SIK2: variants seen among roughly 807,000 people sequenced by gnomAD.
SIK2 encodes the protein serine/threonine-protein kinase SIK2.
In SIK2, 29 loss-of-function variants were observed where a neutral mutation model predicts 103.2. The ratio of observed to expected loss-of-function variants is 0.28; its 90% CI spans 0.21 to 0.38. The LOEUF is 0.38. Among genes scored for constraint, SIK2 ranks in the 10% least tolerant of loss-of-function variants. The pLI is 1.00. For synonymous variants in SIK2, 412 were observed against 446.1 expected, an observed-to-expected ratio of 0.92 and a Z score of 0.96; for missense variants, 879 against 1,171.0, an observed-to-expected ratio of 0.75 and a Z score of 3.64.
intron 4 of SIK2, among the ~76,000 whole-genome samples, chr11:111,689,611 C>A (rs1942899063): frequency 6.6e-6 from 1 of 152,106 alleles, no homozygotes; most frequent in African/African-American, 2.4e-5. Flanking sequence ...AGGGAGACAT[C>A]CAGATGACAG....
At position 111,726,850 on chromosome 11, in the gene SIK2, C is replaced by T. The variant is rs534851465; in HGVS notation, c.*2721C>T. On this transcript the variant is annotated 3_prime_UTR_variant, in exon 15 of 15. Coordinates refer to ENST00000304987, the MANE Select transcript of SIK2 (RefSeq NM_015191.3). Reference sequence around the variant, plus strand: ...TCATCAGCTTCATCACCCTGTAAACCAGGCTCCTCTGAAGAGACTTTGGTG... The same window carrying T: ...TCATCAGCTTCATCACCCTGTAAACTAGGCTCCTCTGAAGAGACTTTGGTG... 16 of 895,594 alleles carry T rather than the reference C, an allele frequency of 1.8e-5. No individual in the cohort carries two copies. Among genetic ancestry groups the T allele is most frequent in the Non-Finnish European group, 2.7e-5 (15 of 563,862 alleles). The allele number at this position is 895,594 out of a possible 1,614,324, so 55.5% of individuals were successfully genotyped here. A position where few individuals can be genotyped will look rare whatever the true frequency, so the allele number is the denominator to read the frequency against.
intron 3 of SIK2, among the ~76,000 whole-genome samples, chr11:111,652,216 A>G (rs1242498371): frequency 6.6e-6 from 1 of 152,228 alleles, no homozygotes; most frequent in Non-Finnish European, 1.5e-5. Flanking sequence ...CAAAAAACAC[A>G]TAGAACTTCA....
At chr11:111,703,904 A>G (rs1354738995) in intron 7 of SIK2, among the ~76,000 whole-genome samples, 1 of 152,230 alleles carries the variant, frequency 6.6e-6, no homozygotes, top group Non-Finnish European at 1.5e-5. Context: ...ATTAGGGGTC[A>G]TAGAACTGTG....
chr11:111,646,542 A>G (rs1014713263), intron 3 of SIK2, among the ~76,000 whole-genome samples: 1 of 152,146 alleles, frequency 6.6e-6, no homozygotes, highest in African/African-American at 2.4e-5. Flanking sequence ...AAGACAGTGA[A>G]TGTGTCCACC....
chr11:111,641,618 G>A (rs1263460136), intron 3 of SIK2, among the ~76,000 whole-genome samples: 8 of 152,018 alleles, frequency 5.3e-5, no homozygotes, highest in Non-Finnish European at 7.4e-5. Context: ...CTCATGATTA[G>A]GATCCCAAGT....
chr11:111,631,752 C>G (rs1475997235), intron 3 of SIK2, among the ~76,000 whole-genome samples: 1 of 152,186 alleles, frequency 6.6e-6, no homozygotes, highest in Non-Finnish European at 1.5e-5. Context: ...CCGTGCCCTG[C>G]TAATTCCAGG....
intron 4 of SIK2, among the ~76,000 whole-genome samples, chr11:111,690,850 A>C (rs887428904): frequency 6.6e-6 from 1 of 152,198 alleles, no homozygotes; most frequent in African/African-American, 2.4e-5. Context: ...TGCTGTATCC[A>C]GTCTATCATT....
intron 3 of SIK2, among the ~76,000 whole-genome samples, chr11:111,643,730 T>C (rs1942214407): frequency 6.6e-6 from 1 of 151,626 alleles, no homozygotes; most frequent in Non-Finnish European, 1.5e-5. Flanking sequence ...GGAAAATCCC[T>C]TGGACCTGGG....
At chr11:111,669,206 TG>T (rs1942590605) in intron 3 of SIK2, among the ~76,000 whole-genome samples, 1 of 152,168 alleles carries the variant, frequency 6.6e-6, no homozygotes, top group Non-Finnish European at 1.5e-5. Context: ...GTTAAGAGTT[TG>T]GACAGGGTGA....
intron 4 of SIK2, among the ~76,000 whole-genome samples, chr11:111,692,535 A>G (rs1297666599): frequency 6.6e-6 from 1 of 152,128 alleles, no homozygotes; most frequent in Non-Finnish European, 1.5e-5. Context: ...TGAGAATGAT[A>G]GGAAAAAAGC....
chr11:111,721,203 C>T, intron 12 of SIK2, 141 bp downstream of exon 12: 13 of 1,033,172 alleles, frequency 1.3e-5, no homozygotes, highest in Non-Finnish European at 1.8e-5. Flanking sequence ...GCTTCTTTGC[C>T]TTGTTGCTGC....
chr11:111,684,441 A>G (rs567902875), intron 3 of SIK2, among the ~76,000 whole-genome samples: 31 of 150,070 alleles, frequency 2.1e-4, no homozygotes, highest in African/African-American at 6.1e-4. Flanking sequence ...TTCTTCAGGG[A>G]AAAAAAAAAG....
chr11:111,612,800 G>A (rs1190412951), intron 1 of SIK2, among the ~76,000 whole-genome samples: 6 of 151,888 alleles, frequency 4.0e-5, no homozygotes, highest in African/African-American at 7.3e-5. Context: ...GGTGTATTTG[G>A]TAAAGCAGTT....
At chr11:111,717,918 G>A (rs972715875) in intron 9 of SIK2, among the ~76,000 whole-genome samples, 2 of 152,234 alleles carry the variant, frequency 1.3e-5, no homozygotes, top group East Asian at 3.9e-4. Context: ...GGGCCTGTTA[G>A]GGGGGCAATG....
At chr11:111,605,368 T>C (rs898616077) in intron 1 of SIK2, among the ~76,000 whole-genome samples, 2 of 152,252 alleles carry the variant, frequency 1.3e-5, no homozygotes, top group Non-Finnish European at 2.9e-5. Flanking sequence ...TAAATGTTTG[T>C]GTGTTTTTGA....
intron 3 of SIK2, among the ~76,000 whole-genome samples, chr11:111,677,576 C>G (rs1591611984): frequency 1.4e-5 from 2 of 144,204 alleles, no homozygotes; most frequent in South Asian, 4.4e-4. Flanking sequence ...TGCCACAATG[C>G]CCAGCTAAAA....
intron 3 of SIK2, among the ~76,000 whole-genome samples, chr11:111,685,624 G>C (rs1375686407): frequency 2.0e-5 from 3 of 151,788 alleles, no homozygotes; most frequent in African/African-American, 7.3e-5. Context: ...CAGGAGGATT[G>C]CTTGAGTCCA....
In SIK2 at chr11:111,697,845, A is replaced by G. The variant is rs116344228; in HGVS notation, c.479-3041A>G. ...GTCTCTACCCAAAAAAAGGAAAAGAAAAAAGGAAAAAAAAATTAGCCAGGC... is the reference window on the plus strand; with the variant it reads ...GTCTCTACCCAAAAAAAGGAAAAGAGAAAAGGAAAAAAAAATTAGCCAGGC... On this transcript the variant is annotated intron_variant, in intron 4 of 14. Coordinates refer to ENST00000304987, the MANE Select transcript of SIK2 (RefSeq NM_015191.3). Among the ~76,000 whole-genome samples, 1,113 of 152,214 alleles carry G rather than the reference A, an allele frequency of 7.3e-3. 22 individuals carry two copies. The highest frequency in any genetic ancestry group is 0.025 in the African/African-American group (1,035 of 41,534).
Position 111,725,740 on chromosome 11 carries a change from A to AG in SIK2, c.*1616dup, listed in dbSNP as rs1340948893. ...CAGGCAGGTGACGTGTGGAAAGTCT[A>AG]GGGGGTTCCATTCTGGCCATGCGAG... is the stretch of plus-strand genomic sequence containing the variant. On this transcript the variant is annotated 3_prime_UTR_variant, in exon 15 of 15. Coordinates refer to ENST00000304987, the MANE Select transcript of SIK2 (RefSeq NM_015191.3). 3.3e-5 allele frequency: 5 copies of AG among 152,596 alleles called. No individual in the cohort carries two copies. Among genetic ancestry groups the AG allele is most frequent in the African/African-American group, 1.2e-4 (5 of 41,430 alleles). The allele number at this position is 152,596 out of a possible 1,614,324, so 9.5% of individuals were successfully genotyped here.
Sources: allele counts gnomAD v4.1 joint callset (sites outside exome capture counted in the v4.1 genomes callset), GRCh38; gene constraint gnomAD v4.1.1; transcripts MANE v1.5; gene names NCBI Gene and HGNC (gene_info 2026-07-23, HGNC 2026-07-21).